The following SCARA5 variants were observed in gnomAD, a reference collection of about 807,000 sequenced individuals.
SCARA5 encodes the protein scavenger receptor class A member 5.
SCARA5 carries 45 observed loss-of-function variants against 46.3 expected under a neutral mutation model. That is an observed-to-expected ratio of 0.97 (90% confidence interval 0.76 to 1.24). The LOEUF (loss-of-function observed/expected upper bound fraction) is 1.24, where lower values mean the gene tolerates loss of function less well. SCARA5 is among the 50% of genes most tolerant of loss of function. SCARA5 has a pLI of 0.00. For missense variants in SCARA5, 680 were observed against 689.0 expected (o/e 0.99, Z 0.15); for synonymous variants, 333 against 306.5 (o/e 1.09, Z -0.90).
At chr8:27,912,097 C>T (rs1807386853) in intron 4 of SCARA5, among the ~76,000 whole-genome samples, 1 of 152,124 alleles carries the variant, frequency 6.6e-6, no homozygotes, top group African/African-American at 2.4e-5. Flanking sequence ...TTCGAGTCTC[C>T]AGAACTGTGA....
chr8:27,888,793 C>A (rs1292747184), intron 7 of SCARA5, among the ~76,000 whole-genome samples: 2 of 152,220 alleles, frequency 1.3e-5, no homozygotes, highest in Admixed American at 1.3e-4. Flanking sequence ...GCTGTCACCT[C>A]AAAGCCCAGA....
intron 2 of SCARA5, among the ~76,000 whole-genome samples, chr8:27,982,915 GA>G (rs1272546496): frequency 6.6e-6 from 1 of 152,122 alleles, no homozygotes; most frequent in East Asian, 1.9e-4. Flanking sequence ...GAAGGAAAGA[GA>G]AAAAAACAGC....
intron 3 of SCARA5, among the ~76,000 whole-genome samples, chr8:27,940,978 C>A (rs979222263): frequency 2.6e-5 from 4 of 152,036 alleles, no homozygotes; most frequent in African/African-American, 9.7e-5. Flanking sequence ...TTTAATCTTA[C>A]AAAACACTCC....
At chr8:27,973,291 A>T (rs1808474833) in intron 2 of SCARA5, among the ~76,000 whole-genome samples, 1 of 152,134 alleles carries the variant, frequency 6.6e-6, no homozygotes, top group Non-Finnish European at 1.5e-5. Flanking sequence ...AGCCTGGCCA[A>T]CATGAAAAAA....
chr8:27,906,439 T>A (rs968718695), intron 6 of SCARA5, among the ~76,000 whole-genome samples: 2 of 152,254 alleles, frequency 1.3e-5, no homozygotes, highest in African/African-American at 2.4e-5. Context: ...GAATTAAAAT[T>A]GTAAATCCTG....
chr8:27,897,355 G>A (rs370542697), intron 7 of SCARA5, among the ~76,000 whole-genome samples: 8 of 152,194 alleles, frequency 5.3e-5, no homozygotes, highest in Non-Finnish European at 1.2e-4. Flanking sequence ...GATTAAGGAC[G>A]ATTCCCAAGT....
chr8:27,941,808 T>TTATTATTATTATTATTAC (rs1161950176), intron 3 of SCARA5, among the ~76,000 whole-genome samples: 1 of 136,674 alleles, frequency 7.3e-6, no homozygotes, highest in African/African-American at 2.8e-5. Flanking sequence ...ATCATTATTA[T>TTATTATTATTATTATTAC]TATTATTATT....
intron 3 of SCARA5, among the ~76,000 whole-genome samples, chr8:27,955,864 G>C (rs1009680936): frequency 5.9e-5 from 9 of 152,206 alleles, no homozygotes; most frequent in Admixed American, 1.3e-4. Context: ...GGTGCTGGGA[G>C]CTCCTCAGGG....
intron 7 of SCARA5, among the ~76,000 whole-genome samples, chr8:27,886,601 A>T (rs1372135984): frequency 6.6e-6 from 1 of 152,174 alleles, no homozygotes; most frequent in Non-Finnish European, 1.5e-5. Context: ...AGCCTTTCCC[A>T]GAGCTGAGCA....
intron 7 of SCARA5, among the ~76,000 whole-genome samples, chr8:27,883,428 C>A (rs977547206): frequency 6.6e-6 from 1 of 152,154 alleles, no homozygotes; most frequent in South Asian, 2.1e-4. Flanking sequence ...GGGCTATTTC[C>A]CCTGCTGGGA....
At chr8:27,969,208 G>T (rs1563541624) in intron 2 of SCARA5, among the ~76,000 whole-genome samples, 6 of 152,170 alleles carry the variant, frequency 3.9e-5, no homozygotes, top group African/African-American at 1.4e-4. Flanking sequence ...ATGTTAGCTG[G>T]GTAAACCTTT....
intron 8 of SCARA5, among the ~76,000 whole-genome samples, chr8:27,873,833 C>A (rs138537858): frequency 2.0e-5 from 3 of 152,326 alleles, no homozygotes; most frequent in East Asian, 1.9e-4. Context: ...CCAGCCTGGT[C>A]AACATGGCAA....
At position 27,921,655 on chromosome 8, in the gene SCARA5, C is replaced by G. The variant is rs867014755; in HGVS notation, c.832G>C (p.Ala278Pro). Reference protein sequence around the residue: ...GMELQLKQELAMLNAVTEDLR... With the variant: ...GMELQLKQELPMLNAVTEDLR... Reference sequence around the variant, plus strand: ...TCCTCGGTGACCGCGTTGAGCATGGCCAGCTCCTGCTTCAGCTGCAGCTCC... The same window carrying G: ...TCCTCGGTGACCGCGTTGAGCATGGGCAGCTCCTGCTTCAGCTGCAGCTCC... The change falls in exon 4 of 9, where the codon GCC (alanine) becomes CCC (proline). Residue 278 changes from alanine (A) to proline (P), a missense_variant. Ala to Pro is a conservative substitution (Grantham distance 27). Around this residue, in one of 3 missense-constraint regions of SCARA5, gnomAD observed 438 missense variants for 384.5 expected, o/e 1.14. Coordinates refer to ENST00000354914, the MANE Select transcript of SCARA5 (RefSeq NM_173833.6). 2 of 1,608,804 alleles carry G rather than the reference C, an allele frequency of 1.2e-6. No individual in the cohort carries two copies. The highest frequency in any genetic ancestry group is 8.5e-7 in the Non-Finnish European group (1 of 1,177,420).
At position 27,871,422 on chromosome 8, in the gene SCARA5, G is replaced by A. The variant is rs954757074; in HGVS notation, c.*512C>T. 19 of 987,826 alleles carry A rather than the reference G, an allele frequency of 1.9e-5. No individual in the cohort carries two copies. The highest frequency in any genetic ancestry group is 2.3e-5 in the Non-Finnish European group (19 of 831,434). 61.2% of individuals were successfully genotyped at this position (987,826 alleles called of 1,614,324 possible). A position where few individuals can be genotyped will look rare whatever the true frequency, so the allele number is the denominator to read the frequency against. On this transcript the variant is annotated 3_prime_UTR_variant, in exon 9 of 9. Transcript: ENST00000354914. ...TCACTTCCTCAAACTAGCAAATGGGGAGCAGAGGCAGAGTAAAGGGGGGAA... is the reference window on the plus strand; with the variant it reads ...TCACTTCCTCAAACTAGCAAATGGGAAGCAGAGGCAGAGTAAAGGGGGGAA...
intron 7 of SCARA5, among the ~76,000 whole-genome samples, chr8:27,882,934 C>G (rs779685015): frequency 1.2e-3 from 185 of 152,194 alleles, no homozygotes; most frequent in Admixed American, 3.5e-3. Flanking sequence ...CTCACAACCT[C>G]TCTAAAGGCA....
chr8:27,980,649 C>G (rs1012682801), intron 2 of SCARA5, among the ~76,000 whole-genome samples: 3 of 152,216 alleles, frequency 2.0e-5, no homozygotes, highest in African/African-American at 7.2e-5. Flanking sequence ...AGCCTCTACC[C>G]TGAGACAAGG....
chr8:27,901,168 C>T (rs1807146736), intron 7 of SCARA5, among the ~76,000 whole-genome samples: 1 of 152,188 alleles, frequency 6.6e-6, no homozygotes, highest in South Asian at 2.1e-4. Flanking sequence ...GCATGCCCTC[C>T]TCCAGGGAAA....
chr8:27,883,323 C>A (rs10091985), intron 7 of SCARA5, among the ~76,000 whole-genome samples: 77,838 of 152,052 alleles, frequency 0.51, 20,137 homozygotes, highest in East Asian at 0.63. Context: ...CAGGGTGAAA[C>A]ACATGGTCAG....
intron 3 of SCARA5, among the ~76,000 whole-genome samples, chr8:27,956,881 G>A (rs1187313654): frequency 6.6e-6 from 1 of 152,234 alleles, no homozygotes; most frequent in African/African-American, 2.4e-5. Flanking sequence ...CACGATGCCT[G>A]CAGGACTGTC....
Sources: allele counts gnomAD v4.1 joint callset (sites outside exome capture counted in the v4.1 genomes callset), GRCh38; gene constraint gnomAD v4.1.1; regional missense constraint gnomAD v4.1.1; transcripts MANE v1.5; gene names NCBI Gene and HGNC (gene_info 2026-07-23, HGNC 2026-07-21).